Variants in CLMP observed in about 807,000 individuals in gnomAD.
The protein encoded by CLMP is CXADR-like membrane protein.
Under a neutral mutation model 45.2 loss-of-function variants are expected in CLMP, and 27 were observed. That is an observed-to-expected ratio of 0.60 (90% confidence interval 0.44 to 0.82). The LOEUF (loss-of-function observed/expected upper bound fraction) is 0.82, where lower values mean the gene tolerates loss of function less well. Ranked by LOEUF, CLMP falls within the 40% of genes least tolerant of loss-of-function variation. The pLI, the probability that CLMP is intolerant of heterozygous loss-of-function variation, is 0.00. For synonymous variants in CLMP, 167 were observed against 171.4 expected, an observed-to-expected ratio of 0.97 and a Z score of 0.20; for missense variants, 403 against 448.4, an observed-to-expected ratio of 0.90 and a Z score of 0.91.
At chr11:123,138,955 C>T (rs1223736853) in intron 1 of CLMP, among the ~76,000 whole-genome samples, 2 of 152,068 alleles carry the variant, frequency 1.3e-5, no homozygotes, top group East Asian at 3.9e-4. Flanking sequence ...TGCGCCTGGA[C>T]TCTTCTAACA....
chr11:123,154,106 C>T (rs561598229), intron 1 of CLMP, among the ~76,000 whole-genome samples: 16 of 152,152 alleles, frequency 1.1e-4, no homozygotes, highest in African/African-American at 3.9e-4. Flanking sequence ...GGTTGATGGC[C>T]CACACCAGGA....
chr11:123,081,196 G>C (rs765647536), intron 5 of CLMP, among the ~76,000 whole-genome samples: 1 of 151,890 alleles, frequency 6.6e-6, no homozygotes. Context: ...AAAAAAAACA[G>C]GGTGGGGGTT....
chr11:123,139,865 A>T (rs867939474), intron 1 of CLMP, among the ~76,000 whole-genome samples: 5 of 150,100 alleles, frequency 3.3e-5, no homozygotes, highest in East Asian at 1.9e-4. Context: ...TAAAATAAAA[A>T]ATATAAAATA....
chr11:123,193,646 A>G (rs1484826922), intron 1 of CLMP, among the ~76,000 whole-genome samples: 1 of 152,226 alleles, frequency 6.6e-6, no homozygotes, highest in African/African-American at 2.4e-5. Context: ...ATGGGTATGC[A>G]TACAGTATAA....
intron 1 of CLMP, among the ~76,000 whole-genome samples, chr11:123,150,454 A>G (rs1861300907): frequency 1.0e-5 from 1 of 97,952 alleles, no homozygotes; most frequent in Non-Finnish European, 2.2e-5. Flanking sequence ...AAAGAAAGAA[A>G]GAAAGAAAGA....
intron 1 of CLMP, among the ~76,000 whole-genome samples, chr11:123,163,180 A>G (rs1861510214): frequency 6.6e-6 from 1 of 152,130 alleles, no homozygotes; most frequent in Non-Finnish European, 1.5e-5. Flanking sequence ...AATCAATGGG[A>G]ATCCTGAGAG....
At chr11:123,119,377 C>T (rs540337306) in intron 1 of CLMP, among the ~76,000 whole-genome samples, 6 of 152,146 alleles carry the variant, frequency 3.9e-5, no homozygotes, top group Admixed American at 3.9e-4. Flanking sequence ...TTCACCATGC[C>T]CGGCTGATCT....
intron 1 of CLMP, among the ~76,000 whole-genome samples, chr11:123,104,346 C>G (rs1476642885): frequency 6.7e-6 from 1 of 149,984 alleles, no homozygotes; most frequent in African/African-American, 2.5e-5. Flanking sequence ...CTCCCAAAGT[C>G]TAGGATTACA....
intron 1 of CLMP, among the ~76,000 whole-genome samples, chr11:123,152,141 T>C (rs1004717906): frequency 2.0e-5 from 3 of 152,198 alleles, no homozygotes; most frequent in East Asian, 1.9e-4. Flanking sequence ...TTTGTAGTGA[T>C]GAAAATGAGA....
At chr11:123,082,520 G>A (rs2135467360) in intron 5 of CLMP, among the ~76,000 whole-genome samples, 1 of 152,148 alleles carries the variant, frequency 6.6e-6, no homozygotes, top group Admixed American at 6.5e-5. Context: ...TGTTGGTCAG[G>A]CTGAACTCCT....
At chr11:123,148,383 G>A (rs988294402) in intron 1 of CLMP, among the ~76,000 whole-genome samples, 4 of 152,222 alleles carry the variant, frequency 2.6e-5, no homozygotes, top group African/African-American at 7.2e-5. Flanking sequence ...TCAGTGGTCC[G>A]CAGTTGTGGC....
intron 1 of CLMP, among the ~76,000 whole-genome samples, chr11:123,144,849 G>A (rs146485034): frequency 2.0e-4 from 30 of 152,196 alleles, no homozygotes; most frequent in African/African-American, 7.0e-4. Flanking sequence ...GATCCCTTTC[G>A]ACCCCATTCC....
chr11:123,079,518 A>T (rs1404069647), intron 5 of CLMP, among the ~76,000 whole-genome samples: 1 of 151,988 alleles, frequency 6.6e-6, no homozygotes, highest in African/African-American at 2.4e-5. Context: ...CAGTGGCCTG[A>T]TCTCAGCTTA....
intron 1 of CLMP, among the ~76,000 whole-genome samples, chr11:123,112,537 A>G (rs900951854): frequency 6.6e-6 from 1 of 151,272 alleles, no homozygotes; most frequent in South Asian, 2.1e-4. Flanking sequence ...GGGTTTCACT[A>G]TGTTGGTTAG....
At chr11:123,192,204 G>A (rs1420944899) in intron 1 of CLMP, among the ~76,000 whole-genome samples, 2 of 152,188 alleles carry the variant, frequency 1.3e-5, no homozygotes, top group Non-Finnish European at 2.9e-5. Context: ...GTGAGTAGAG[G>A]AAGAGCTGTG....
chr11:123,186,526 T>TC (rs1374291125), intron 1 of CLMP, among the ~76,000 whole-genome samples: 1 of 151,898 alleles, frequency 6.6e-6, no homozygotes, highest in African/African-American at 2.4e-5. Flanking sequence ...GTGAGCTTTT[T>TC]TTTTTTTTTG....
rs569223037 is a variant in CLMP, at chr11:123,100,252, G to A, written c.29-2300C>T. The stretch of plus-strand genomic sequence containing the variant: ...AACATTTAGCTGGGCCTGTGTGTGG[G>A]TGCCTGTAATCCCAGCTACTCCAGA... On this transcript the variant is annotated intron_variant, in intron 1 of 6. Transcript: ENST00000448775. 3.3e-5 allele frequency among the ~76,000 whole-genome samples: 5 copies of A among 152,068 alleles called. No homozygotes were observed. In the East Asian group the frequency reaches 5.8e-4, roughly 18 times the overall value.
chr11:123,124,006 G>A (rs1392857174), intron 1 of CLMP, among the ~76,000 whole-genome samples: 1 of 152,084 alleles, frequency 6.6e-6, no homozygotes, highest in East Asian at 1.9e-4. Context: ...AGACTGCAAG[G>A]GAAAGAGAAA....
chr11:123,132,423 T>G (rs533154546), intron 1 of CLMP, among the ~76,000 whole-genome samples: 3 of 152,138 alleles, frequency 2.0e-5, no homozygotes, highest in African/African-American at 7.2e-5. Context: ...AACTTTTTCC[T>G]TTTTTTTCTC....
Sources: gnomAD v4.1 joint callset for allele counts (sites outside exome capture counted in the v4.1 genomes callset) on GRCh38, gnomAD v4.1.1 for gene constraint, MANE v1.5 for transcripts, NCBI Gene and HGNC (gene_info 2026-07-23, HGNC 2026-07-21) for gene names.